The following PEPD variants were observed in gnomAD, a reference collection of about 807,000 sequenced individuals.
PEPD encodes the protein peptidase D, also known as xaa-Pro dipeptidase.
A neutral mutation model predicts 60.7 loss-of-function variants in PEPD; 53 were observed. The observed-to-expected ratio is 0.87, with a 90% CI of 0.70 to 1.10. The LOEUF is 1.10. Among genes scored for constraint, PEPD ranks in the 50% least tolerant of loss-of-function variants. The pLI, the probability that PEPD is intolerant of heterozygous loss-of-function variation, is 0.00. For synonymous variants in PEPD, 267 were observed against 284.1 expected, an observed-to-expected ratio of 0.94 and a Z score of 0.60; for missense variants, 711 against 711.9, an observed-to-expected ratio of 1.00 and a Z score of 0.01.
At chr19:33,420,858 GC>G (rs1370208285) in intron 9 of PEPD, among the ~76,000 whole-genome samples, 1 of 152,154 alleles carries the variant, frequency 6.6e-6, no homozygotes, top group Non-Finnish European at 1.5e-5. Context: ...TGTGTGCCTG[GC>G]CCCCCTCCTG....
chr19:33,513,591 G>A (rs748080171), intron 1 of PEPD, among the ~76,000 whole-genome samples: 4 of 152,122 alleles, frequency 2.6e-5, no homozygotes, highest in Non-Finnish European at 4.4e-5. Flanking sequence ...GCTCTTGGCC[G>A]CAACTTCCCC....
chr19:33,503,401 T>A (rs1046375327), intron 3 of PEPD, among the ~76,000 whole-genome samples: 2 of 152,218 alleles, frequency 1.3e-5, no homozygotes, highest in African/African-American at 2.4e-5. Flanking sequence ...CATTCACTTG[T>A]GCATTTGAGA....
At chr19:33,390,272 A>G (rs1968183208) in intron 13 of PEPD, among the ~76,000 whole-genome samples, 1 of 152,242 alleles carries the variant, frequency 6.6e-6, no homozygotes, top group Admixed American at 6.5e-5. Context: ...CTAATGAATA[A>G]CGAACCTCAG....
At chr19:33,468,798 C>T (rs963771893) in intron 7 of PEPD, among the ~76,000 whole-genome samples, 1 of 152,206 alleles carries the variant, frequency 6.6e-6, no homozygotes, top group African/African-American at 2.4e-5. Flanking sequence ...CCCTTTCTCT[C>T]GGCGGAGGCA....
chr19:33,395,043 C>T (rs1405641401), intron 12 of PEPD: 2 of 152,272 alleles, frequency 1.3e-5, no homozygotes, highest in Admixed American at 6.5e-5. Flanking sequence ...TCCAGCCTCT[C>T]CCTCACCCAC....
intron 9 of PEPD, among the ~76,000 whole-genome samples, chr19:33,444,214 A>C (rs2145239259): frequency 6.6e-6 from 1 of 152,226 alleles, no homozygotes; most frequent in South Asian, 2.1e-4. Flanking sequence ...AAGCGCATAC[A>C]CCACATACAT....
intron 10 of PEPD, among the ~76,000 whole-genome samples, chr19:33,412,309 C>T (rs1045000649): frequency 6.6e-5 from 10 of 152,024 alleles, no homozygotes; most frequent in Non-Finnish European, 1.5e-4. Context: ...ATCATGCCAC[C>T]GCACTCCAGC....
At chr19:33,511,837 T>G (rs556200283) in intron 2 of PEPD, among the ~76,000 whole-genome samples, 1 of 152,160 alleles carries the variant, frequency 6.6e-6, no homozygotes, top group Non-Finnish European at 1.5e-5. Flanking sequence ...ATTGCAGGCT[T>G]GCAGCTGCGC....
intron 9 of PEPD, among the ~76,000 whole-genome samples, chr19:33,432,945 A>G (rs986708033): frequency 6.6e-6 from 1 of 152,220 alleles, no homozygotes; most frequent in Non-Finnish European, 1.5e-5. Context: ...CGGCTATAGC[A>G]GCTAGCGGGT....
intron 3 of PEPD, among the ~76,000 whole-genome samples, chr19:33,504,049 C>T (rs1600169064): frequency 6.6e-6 from 1 of 152,332 alleles, no homozygotes; most frequent in East Asian, 1.9e-4. Flanking sequence ...TCGACAGATA[C>T]AACCTGAAAA....
chr19:33,405,563 T>C (rs1441098795), intron 11 of PEPD, among the ~76,000 whole-genome samples: 2 of 152,138 alleles, frequency 1.3e-5, no homozygotes, highest in East Asian at 3.9e-4. Context: ...AAGGGAGGCG[T>C]ATGGGTCACT....
intron 12 of PEPD, among the ~76,000 whole-genome samples, chr19:33,397,214 C>T (rs1968386480): frequency 6.6e-6 from 1 of 152,232 alleles, no homozygotes; most frequent in Non-Finnish European, 1.5e-5. Context: ...GCTCCCCCAC[C>T]AGCCCTAGGA....
At chr19:33,518,672 A>G (rs1971071248) in intron 1 of PEPD, among the ~76,000 whole-genome samples, 1 of 152,162 alleles carries the variant, frequency 6.6e-6, no homozygotes, top group Non-Finnish European at 1.5e-5. Context: ...ACTAATTTAG[A>G]GTAAATCCCC....
At position 33,388,063 on chromosome 19, in the gene PEPD, C is replaced by T. The variant is rs886054333; in HGVS notation, c.1171G>A (p.Glu391Lys). ...GTGCGCAGGCTCCGCAGGCCGGGCT[C>T]GTCGATGCGCTCCACGCCCTGTGGG... ...GYPEGVERIDEPGLRSLRTAR... is the reference protein window; with the variant it reads ...GYPEGVERIDKPGLRSLRTAR... Residue 391 changes from glutamate (E) to lysine (K), a missense_variant, in exon 14 of 15, where the codon GAG becomes AAG. Physicochemically the swap from Glu to Lys is moderately conservative, Grantham distance 56. Transcript: ENST00000244137. The T allele has an allele frequency of 1.0e-5, 16 of 1,550,712 alleles. No homozygotes were observed. The highest frequency in any genetic ancestry group is 2.4e-5 in the East Asian group (1 of 41,310).
intron 11 of PEPD, among the ~76,000 whole-genome samples, chr19:33,404,222 C>G (rs1368940660): frequency 6.6e-6 from 1 of 152,282 alleles, no homozygotes; most frequent in East Asian, 1.9e-4. Context: ...CTGGGGACAG[C>G]TAAGCATTTT....
intron 8 of PEPD, 60 bp from the exon 9 acceptor site, chr19:33,463,101 T>A (rs1352296626): frequency 6.0e-6 from 6 of 994,090 alleles, no homozygotes; most frequent in African/African-American, 1.6e-5. Context: ...CACAGCGTGA[T>A]AAATAACATA....
chr19:33,454,248 A>C (rs539866851), intron 9 of PEPD, among the ~76,000 whole-genome samples: 1 of 152,338 alleles, frequency 6.6e-6, no homozygotes, highest in East Asian at 1.9e-4. Context: ...GAAGGATTTG[A>C]GCATCACAGA....
chr19:33,445,545 CATGG>C (rs1568475158), intron 9 of PEPD, among the ~76,000 whole-genome samples: 1 of 152,180 alleles, frequency 6.6e-6, no homozygotes, highest in Non-Finnish European at 1.5e-5. Context: ...CGCATGAGGA[CATGG>C]CAAGAAGGCG....
chr19:33,399,666 C>T (rs1968444021), intron 12 of PEPD, among the ~76,000 whole-genome samples: 1 of 152,226 alleles, frequency 6.6e-6, no homozygotes. Flanking sequence ...GCGATCGAGG[C>T]TGCAACTCAT....
Sources: allele counts gnomAD v4.1 joint callset (sites outside exome capture counted in the v4.1 genomes callset), GRCh38; gene constraint gnomAD v4.1.1; transcripts MANE v1.5; gene names NCBI Gene and HGNC (gene_info 2026-07-23, HGNC 2026-07-21).